Variants in TNFAIP8L3 observed in about 807,000 individuals in gnomAD.
The protein encoded by TNFAIP8L3 is tumor necrosis factor alpha-induced protein 8-like protein 3.
Under a neutral mutation model 11.8 loss-of-function variants are expected in TNFAIP8L3, and 7 were observed. The observed-to-expected ratio is 0.59, with a 90% CI of 0.34 to 1.11. The LOEUF is 1.11. Among genes scored for constraint, TNFAIP8L3 ranks in the 50% most tolerant of loss-of-function variants. The probability of loss-of-function intolerance (pLI) is 0.03; values close to 1 mark genes in which losing one functional copy is unlikely to be tolerated. For missense variants in TNFAIP8L3, 219 were observed against 258.6 expected, an observed-to-expected ratio of 0.85 and a Z score of 1.05; for synonymous variants, 98 against 103.8, an observed-to-expected ratio of 0.94 and a Z score of 0.34.
At chr15:51,101,709 G>A (rs2065552578) in intron 1 of TNFAIP8L3, among the ~76,000 whole-genome samples, 1 of 151,816 alleles carries the variant, frequency 6.6e-6, no homozygotes, top group African/African-American at 2.4e-5. Flanking sequence ...CACTTTGGGA[G>A]GCCAAGGTGG....
At chr15:51,086,295 G>A (rs2065427015) in intron 1 of TNFAIP8L3, among the ~76,000 whole-genome samples, 1 of 152,248 alleles carries the variant, frequency 6.6e-6, no homozygotes, top group Non-Finnish European at 1.5e-5. Context: ...CTGCCTAGCA[G>A]TGGCTTTGTG....
At chr15:51,102,879 G>T (rs1207723029) in intron 1 of TNFAIP8L3, among the ~76,000 whole-genome samples, 1 of 151,888 alleles carries the variant, frequency 6.6e-6, no homozygotes, top group African/African-American at 2.4e-5. Flanking sequence ...TTTACCTCCT[G>T]TACACCAGTG....
At chr15:51,097,315 A>G (rs1424786573), upstream of TNFAIP8L3, among the ~76,000 whole-genome samples, 2 of 152,196 alleles carry the variant, frequency 1.3e-5, no homozygotes, top group Non-Finnish European at 2.9e-5. Flanking sequence ...TGTACTGAGA[A>G]CACACATTTA....
At chr15:51,091,132 A>C (rs745870134) in intron 1 of TNFAIP8L3, among the ~76,000 whole-genome samples, 1 of 152,208 alleles carries the variant, frequency 6.6e-6, no homozygotes, top group Non-Finnish European at 1.5e-5. Context: ...AAAGATCCAT[A>C]AAATGACAGA....
intron 1 of TNFAIP8L3, among the ~76,000 whole-genome samples, chr15:51,073,538 T>C (rs2065327429): frequency 6.6e-6 from 1 of 152,268 alleles, no homozygotes; most frequent in South Asian, 2.1e-4. Flanking sequence ...GATCCCTGTA[T>C]ACTTATCTCC....
At position 51,058,454 on chromosome 15, in the gene TNFAIP8L3, AAAAAT is replaced by A; in HGVS notation, c.53-16_53-12del. Reference sequence around the variant, plus strand: ...TAAAAACATCAGGACCTATGGTAAAAAAAATATATATAAAAGTTTTAGAAATATAA... The same window carrying A: ...TAAAAACATCAGGACCTATGGTAAAAATATATAAAAGTTTTAGAAATATAA... On this transcript the variant is annotated splice_polypyrimidine_tract_variant and intron_variant, in intron 1 of 1. Transcript: ENST00000637513. 7.3e-7 allele frequency: 1 copy of A among 1,362,632 alleles called. No homozygotes were observed. The highest frequency in any genetic ancestry group is 9.4e-7 in the Non-Finnish European group (1 of 1,069,376). The allele number at this position is 1,362,632 out of a possible 1,614,324, so 84.4% of individuals were successfully genotyped here. A position where few individuals can be genotyped will look rare whatever the true frequency, so the allele number is the denominator to read the frequency against.
chr15:51,082,639 G>T (rs1350723817), intron 1 of TNFAIP8L3, among the ~76,000 whole-genome samples: 3 of 152,024 alleles, frequency 2.0e-5, no homozygotes, highest in East Asian at 1.9e-4. Context: ...GACTTTTGTT[G>T]TAACACTTAG....
At position 51,102,679 on chromosome 15, in the gene TNFAIP8L3, G is replaced by A. The variant is rs189064962; in HGVS notation, c.172+2326C>T. On this transcript the variant is annotated intron_variant, in intron 1 of 2. Coordinates refer to the TNFAIP8L3 transcript ENST00000327536. ...GGTTTGCCCAGAGTTAAGAACAAAT[G>A]GGACCAGAACCCATGTCTCTGGCCC... 3.3e-5 allele frequency among the ~76,000 whole-genome samples: 5 copies of A among 152,250 alleles called. No homozygotes were observed. The East Asian group carries it at 9.7e-4, about 29-fold the overall frequency.
chr15:51,100,428 G>C (rs1317879738), intron 1 of TNFAIP8L3, among the ~76,000 whole-genome samples: 4 of 151,966 alleles, frequency 2.6e-5, no homozygotes, highest in Non-Finnish European at 5.9e-5. Context: ...TAGTGATTTA[G>C]AGAAAGAATT....
At position 51,057,071 on chromosome 15, in the gene TNFAIP8L3, G is replaced by C. The variant is rs2065210588; in HGVS notation, c.*810C>G. 6.6e-6 allele frequency: 1 copy of C among 151,930 alleles called. No individual in the cohort carries two copies. Among genetic ancestry groups the C allele is most frequent in the Non-Finnish European group, 1.5e-5 (1 of 67,968 alleles). The allele number at this position is 151,930 out of a possible 1,614,324, so 9.4% of individuals were successfully genotyped here. ...ATTACAGGCGTGTACCACCACGCCT[G>C]GCTAATTTTTGTAATTTTAGTAGAG... On this transcript the variant is annotated 3_prime_UTR_variant, in exon 2 of 2. Transcript: ENST00000637513.
chr15:51,080,593 C>A (rs1391930154), intron 1 of TNFAIP8L3, among the ~76,000 whole-genome samples: 2 of 152,206 alleles, frequency 1.3e-5, no homozygotes, highest in Non-Finnish European at 2.9e-5. Flanking sequence ...TTAATTTGGT[C>A]CTCGGTTCAG....
At chr15:51,072,699 C>T (rs2065318693) in intron 1 of TNFAIP8L3, among the ~76,000 whole-genome samples, 1 of 152,110 alleles carries the variant, frequency 6.6e-6, no homozygotes, top group Non-Finnish European at 1.5e-5. Flanking sequence ...ACTTCTGCTA[C>T]CTATCTGGTA....
chr15:51,096,710 G>A (rs1214302808), upstream of TNFAIP8L3, among the ~76,000 whole-genome samples: 3 of 151,950 alleles, frequency 2.0e-5, no homozygotes, highest in Non-Finnish European at 4.4e-5. Context: ...TGACCAACAT[G>A]GAGAAACTCT....
intron 1 of TNFAIP8L3, among the ~76,000 whole-genome samples, chr15:51,060,800 C>T (rs1291573884): frequency 1.3e-5 from 2 of 152,196 alleles, no homozygotes; most frequent in African/African-American, 4.8e-5. Context: ...CTGCTCTGGA[C>T]CAGTTGTCAG....
chr15:51,065,503 G>A (rs1177984239), intron 1 of TNFAIP8L3, among the ~76,000 whole-genome samples: 21 of 152,186 alleles, frequency 1.4e-4, no homozygotes, highest in Admixed American at 1.4e-3. Flanking sequence ...TTACCAAGCT[G>A]GGTGAGTGGG....
At chr15:51,060,232 C>CA (rs1327266108) in intron 1 of TNFAIP8L3, among the ~76,000 whole-genome samples, 4 of 152,174 alleles carry the variant, frequency 2.6e-5, no homozygotes, top group African/African-American at 7.2e-5. Flanking sequence ...TTGTTCTCTG[C>CA]AAAATCAAAG....
At chr15:51,089,532 G>A (rs987569216) in intron 1 of TNFAIP8L3, among the ~76,000 whole-genome samples, 4 of 152,188 alleles carry the variant, frequency 2.6e-5, no homozygotes, top group African/African-American at 9.7e-5. Flanking sequence ...AGTCCTGGAG[G>A]ACAGGGTGAA....
In TNFAIP8L3 at chr15:51,077,309, C is replaced by T. The variant is rs1288619385; in HGVS notation, c.52+17235G>A. ...CACAGACTGCCAGGCCCCCAGGCCC[C>T]GGCAGGCCGCCCTGTGCTGACGTAG... On this transcript the variant is annotated intron_variant, in intron 1 of 1. Transcript: ENST00000637513. Among the ~76,000 whole-genome samples, 4 of 152,216 alleles carry T rather than the reference C, an allele frequency of 2.6e-5. No individual in the cohort carries two copies. In the South Asian group the frequency reaches 6.2e-4, roughly 24 times the overall value.
intron 1 of TNFAIP8L3, among the ~76,000 whole-genome samples, chr15:51,070,823 G>T (rs866476673): frequency 4.3e-4 from 65 of 151,472 alleles, no homozygotes; most frequent in Middle Eastern, 3.4e-3. Flanking sequence ...AAGGCGGGCG[G>T]ATCACGAGGT....
Sources: gnomAD v4.1 joint callset for allele counts (sites outside exome capture counted in the v4.1 genomes callset) on GRCh38, gnomAD v4.1.1 for gene constraint, MANE v1.5 for transcripts, NCBI Gene and HGNC (gene_info 2026-07-23, HGNC 2026-07-21) for gene names.